DYNC2H1: variants seen among roughly 807,000 people sequenced by gnomAD.
DYNC2H1 encodes the protein dynein cytoplasmic 2 heavy chain 1, also known as cytoplasmic dynein 2 heavy chain 1.
In DYNC2H1, 410 loss-of-function variants were observed where a neutral mutation model predicts 570.0. The observed-to-expected ratio is 0.72, with a 90% CI of 0.66 to 0.78. DYNC2H1 has a LOEUF of 0.78. DYNC2H1 is among the 30% of genes least tolerant of loss of function. The pLI is 0.00. For missense variants in DYNC2H1, 4,865 were observed against 5,046.4 expected, an observed-to-expected ratio of 0.96 and a Z score of 1.09; for synonymous variants, 1,688 against 1,677.6, an observed-to-expected ratio of 1.01 and a Z score of -0.15.
At chr11:103,378,165 A>T (rs1211393066) in intron 83 of DYNC2H1, among the ~76,000 whole-genome samples, 1 of 152,198 alleles carries the variant, frequency 6.6e-6, no homozygotes, top group African/African-American at 2.4e-5. Context: ...ATTGTTATTA[A>T]TATTAAGAAT....
chr11:103,161,015 A>G lies in DYNC2H1; in HGVS notation c.4462A>G (p.Asn1488Asp). 1 of 1,533,358 alleles carries G rather than the reference A, an allele frequency of 6.5e-7. No individual in the cohort carries two copies. Among genetic ancestry groups the G allele is most frequent in the Non-Finnish European group, 8.7e-7 (1 of 1,143,054 alleles). The allele number at this position is 1,533,358 out of a possible 1,614,324, so 95.0% of individuals were successfully genotyped here. A position where few individuals can be genotyped will look rare whatever the true frequency, so the allele number is the denominator to read the frequency against. The change falls in exon 29 of 89, where the codon AAT becomes GAT. Residue 1488 changes from asparagine to aspartate, a missense_variant. By Grantham distance (23) the Asn-to-Asp change is conservative (BLOSUM62 1). Transcript: ENST00000375735. ...AGAGGGAGAAGTTGTACCTTTTAAAAATAAAGTTCCTCTATCAAATAATGT... is the reference window on the plus strand; with the variant it reads ...AGAGGGAGAAGTTGTACCTTTTAAAGATAAAGTTCCTCTATCAAATAATGT... ...SLEGEVVPFK[N>D]KVPLSNNVET... is the part of the protein sequence containing the mutation.
At position 103,256,027 on chromosome 11, in the gene DYNC2H1, A is replaced by G; in HGVS notation, c.10327-79A>G. 1 of 1,241,466 alleles carries G rather than the reference A, an allele frequency of 8.1e-7. No homozygotes were observed. The highest frequency in any genetic ancestry group is 1.1e-6 in the Non-Finnish European group (1 of 913,120). 76.9% of individuals were successfully genotyped at this position (1,241,466 alleles called of 1,614,324 possible). ...ATAAGTTGCCATAAACATCAAATGAATGACAGTTAATATGGGTTTGCTTTA... is the reference window on the plus strand; with the variant it reads ...ATAAGTTGCCATAAACATCAAATGAGTGACAGTTAATATGGGTTTGCTTTA... On this transcript the variant is annotated intron_variant, in intron 67 of 88. Transcript: ENST00000375735. This position sits in a 1 kb window ranked among gnomAD's most constrained non-coding sequence, Gnocchi z 4.0.
intron 75 of DYNC2H1, among the ~76,000 whole-genome samples, chr11:103,293,688 T>C (rs772741349): frequency 1.3e-5 from 2 of 152,122 alleles, no homozygotes; most frequent in Non-Finnish European, 2.9e-5. Context: ...AATTCTGTTA[T>C]TGAGACACTG....
At chr11:103,114,315 T>C (rs1858268936) in intron 3 of DYNC2H1, 77 bp downstream of exon 3, 2 of 1,391,604 alleles carry the variant, frequency 1.4e-6, no homozygotes, top group South Asian at 3.2e-5. Context: ...ACATATTTCT[T>C]CATAGATTTC....
At chr11:103,393,210 T>G (rs1010663114) in intron 83 of DYNC2H1, among the ~76,000 whole-genome samples, 11 of 152,186 alleles carry the variant, frequency 7.2e-5, no homozygotes, top group African/African-American at 2.4e-4. Context: ...CAAAATAACT[T>G]TGTACTGAAA....
At chr11:103,373,472 C>T (rs1028355188) in intron 83 of DYNC2H1, among the ~76,000 whole-genome samples, 6 of 152,080 alleles carry the variant, frequency 3.9e-5, no homozygotes, top group Non-Finnish European at 7.4e-5. Flanking sequence ...TTATTAGGGG[C>T]ATGTTGTTTT....
intron 88 of DYNC2H1, among the ~76,000 whole-genome samples, chr11:103,470,910 T>C (rs1476686971): frequency 6.6e-6 from 1 of 152,174 alleles, no homozygotes; most frequent in Non-Finnish European, 1.5e-5. Flanking sequence ...GCATGATTTA[T>C]AATCCTTTGG....
intron 35 of DYNC2H1, 88 bp from the exon 36 acceptor site, chr11:103,173,967 G>A (rs974319996): frequency 2.8e-5 from 24 of 863,056 alleles, no homozygotes; most frequent in Middle Eastern, 4.5e-4. Context: ...CTATGTGTCA[G>A]TGTTATATTC....
intron 12 of DYNC2H1, among the ~76,000 whole-genome samples, chr11:103,126,546 A>C (rs914475045): frequency 6.6e-6 from 1 of 152,218 alleles, no homozygotes; most frequent in African/African-American, 2.4e-5. Context: ...ACTGAGGATC[A>C]GATGTTTAAC....
chr11:103,224,405 C>T (rs116563951), intron 59 of DYNC2H1, among the ~76,000 whole-genome samples: 2,170 of 44,188 alleles, frequency 0.049, 61 homozygotes, highest in African/African-American at 0.16. Flanking sequence ...TCTTGCCACC[C>T]CCTGCCCTTT....
At chr11:103,292,556 C>T (rs1056536906) in intron 75 of DYNC2H1, among the ~76,000 whole-genome samples, 20 of 152,068 alleles carry the variant, frequency 1.3e-4, no homozygotes, top group African/African-American at 4.8e-4. Context: ...AATATACGTC[C>T]CTAGCAAATC....
chr11:103,196,733 C>G, intron 47 of DYNC2H1, among the ~76,000 whole-genome samples: 1 of 152,140 alleles, frequency 6.6e-6, no homozygotes, highest in Middle Eastern at 3.4e-3. Flanking sequence ...AGTAGGGTTA[C>G]ATAGATGCAA....
At chr11:103,286,684 A>G (rs1254934562) in intron 74 of DYNC2H1, among the ~76,000 whole-genome samples, 1 of 152,184 alleles carries the variant, frequency 6.6e-6, no homozygotes, top group Non-Finnish European at 1.5e-5. Flanking sequence ...CAAGTTTTAC[A>G]ATCATTTCCC....
intron 17 of DYNC2H1, among the ~76,000 whole-genome samples, chr11:103,140,574 A>C (rs1859854313): frequency 1.3e-5 from 2 of 152,194 alleles, no homozygotes; most frequent in Non-Finnish European, 2.9e-5. Context: ...TTCTGCTGAG[A>C]GATCCCCTGT....
intron 84 of DYNC2H1, among the ~76,000 whole-genome samples, chr11:103,421,679 A>G (rs983828529): frequency 2.0e-5 from 3 of 152,224 alleles, no homozygotes; most frequent in Non-Finnish European, 4.4e-5. Context: ...GAGACAATGT[A>G]GCAGAATCTC....
At chr11:103,276,385 A>G (rs775796700) in intron 70 of DYNC2H1, among the ~76,000 whole-genome samples, 8 of 152,148 alleles carry the variant, frequency 5.3e-5, no homozygotes, top group Non-Finnish European at 8.8e-5. Flanking sequence ...ATAATTACAC[A>G]TACATATAAT....
intron 21 of DYNC2H1, among the ~76,000 whole-genome samples, chr11:103,152,855 G>A (rs558404242): frequency 6.6e-6 from 1 of 152,246 alleles, no homozygotes; most frequent in South Asian, 2.1e-4. Flanking sequence ...CAACCTGGAA[G>A]TTGCACATAT....
chr11:103,426,825 A>G (rs1014832941), intron 84 of DYNC2H1, among the ~76,000 whole-genome samples: 3 of 152,226 alleles, frequency 2.0e-5, no homozygotes, highest in Non-Finnish European at 2.9e-5. Context: ...TGCCTCAGTA[A>G]TTGTTTTATG....
chr11:103,291,228 G>A (rs1380768476), intron 75 of DYNC2H1, among the ~76,000 whole-genome samples: 9 of 151,976 alleles, frequency 5.9e-5, no homozygotes, highest in African/African-American at 1.9e-4. Flanking sequence ...ACCTGAGGTC[G>A]GGAGTTTGAG....
Sources: gnomAD v4.1 joint callset for allele counts (sites outside exome capture counted in the v4.1 genomes callset) on GRCh38, gnomAD v4.1.1 for gene constraint, Gnocchi (gnomAD v3.1) non-coding constraint, MANE v1.5 for transcripts, NCBI Gene and HGNC (gene_info 2026-07-23, HGNC 2026-07-21) for gene names.